EP400: variants seen among roughly 807,000 people sequenced by gnomAD.
EP400 encodes E1A binding protein p400.
In EP400, 105 loss-of-function variants were observed where a neutral mutation model predicts 354.1. That is an observed-to-expected ratio of 0.30 (90% CI 0.25 to 0.35). The LOEUF (loss-of-function observed/expected upper bound fraction) is 0.35, where lower values mean the gene tolerates loss of function less well. EP400 is among the 10% of genes least tolerant of loss of function. EP400 has a pLI of 1.00. For missense variants in EP400, 3,280 were observed against 4,121.0 expected (o/e 0.80, Z 5.59); for synonymous variants, 1,646 against 1,716.9 (o/e 0.96, Z 1.02).
chr12:131,995,816 C>T (rs1158076262), intron 12 of EP400, among the ~76,000 whole-genome samples: 30 of 149,332 alleles, frequency 2.0e-4, no homozygotes, highest in African/African-American at 7.4e-4. Flanking sequence ...ACGAATCCCA[C>T]CGCAGCTTGA....
At chr12:132,023,305 T>C (rs1228099843) in intron 23 of EP400, among the ~76,000 whole-genome samples, 1 of 135,780 alleles carries the variant, frequency 7.4e-6, no homozygotes, top group Non-Finnish European at 1.6e-5. Flanking sequence ...GCTAATTTTT[T>C]TTTTTTTTTT....
In EP400 at chr12:132,029,496, G is replaced by A; in HGVS notation, c.5382-205G>A. 1 of 604,794 alleles carries A rather than the reference G, an allele frequency of 1.7e-6. No homozygotes were observed. The highest frequency in any genetic ancestry group is 2.9e-6 in the Non-Finnish European group (1 of 341,736). 37.5% of individuals were successfully genotyped at this position (604,794 alleles called of 1,614,324 possible). A position where few individuals can be genotyped will look rare whatever the true frequency, so the allele number is the denominator to read the frequency against. ...ACTGTCTGAATTAGTCCCCGAGGTGGTGGTTATTGGCCAGGACTGGTTAGG... is the reference window on the plus strand; with the variant it reads ...ACTGTCTGAATTAGTCCCCGAGGTGATGGTTATTGGCCAGGACTGGTTAGG... On this transcript the variant is annotated intron_variant, in intron 27 of 52. Transcript: ENST00000389561. The surrounding 1 kb of genome is among the most constrained non-coding windows in gnomAD (Gnocchi z 4.7).
chr12:131,967,519 C>G (rs1191978294), intron 2 of EP400, among the ~76,000 whole-genome samples: 2 of 151,652 alleles, frequency 1.3e-5, no homozygotes, highest in Admixed American at 6.6e-5. Context: ...GAAACCCCAT[C>G]TCTACTTAAA....
intron 2 of EP400, among the ~76,000 whole-genome samples, chr12:131,978,400 C>T (rs903088445): frequency 2.0e-5 from 3 of 152,182 alleles, no homozygotes; most frequent in African/African-American, 4.8e-5. Context: ...CACCTCCTCC[C>T]CTCTGCTTTG....
intron 2 of EP400, among the ~76,000 whole-genome samples, chr12:131,969,465 C>T (rs562864848): frequency 6.6e-6 from 1 of 152,154 alleles, no homozygotes; most frequent in South Asian, 2.1e-4. Context: ...GCCCAGCCCC[C>T]CTCCTGGTGG....
chr12:132,027,313 C>T lies in EP400; in HGVS notation c.5015-124C>T, dbSNP rs147398836. 3.3e-4 allele frequency: 304 copies of T among 908,554 alleles called. 1 individual carries two copies. The African/African-American group carries it at 4.3e-3, about 13-fold the overall frequency. 56.3% of individuals were successfully genotyped at this position (908,554 alleles called of 1,614,324 possible). ...GGAGGATGAGGACTTGGGGACATGC[C>T]GTTGCAGAATGACTTTCTGTGGAGT... On this transcript the variant is annotated intron_variant, in intron 25 of 52. Coordinates refer to ENST00000389561, the MANE Select transcript of EP400 (RefSeq NM_015409.5). The surrounding 1 kb of genome is among the most constrained non-coding windows in gnomAD (Gnocchi z 4.9).
At position 131,998,906 on chromosome 12, in the gene EP400, T is replaced by A. The variant is rs35342546; in HGVS notation, c.2827+3950T>A. 8.4e-3 allele frequency among the ~76,000 whole-genome samples: 899 copies of A among 107,640 alleles called. 13 individuals carry two copies. The highest frequency in any genetic ancestry group is 0.013 in the East Asian group (39 of 2,994). The allele number at this position is 107,640 out of a possible 152,430, so 70.6% of individuals were successfully genotyped here. On this transcript the variant is annotated intron_variant, in intron 12 of 52. Transcript: ENST00000389561. ...TTTGTATACAGTCTTGTATACAAAGTCTTTGTATACAGTCTTGTATACAAA... is the reference window on the plus strand; with the variant it reads ...TTTGTATACAGTCTTGTATACAAAGACTTTGTATACAGTCTTGTATACAAA...
chr12:132,045,182 C>G (rs923343442), intron 37 of EP400, 137 bp from the exon 38 acceptor site: 1 of 1,180,336 alleles, frequency 8.5e-7, no homozygotes, highest in Non-Finnish European at 1.1e-6. Flanking sequence ...GAAAGCAGGT[C>G]TGTCTTTGGC....
At chr12:132,076,275 G>T in intron 51 of EP400, 13 of 569,508 alleles carry the variant, frequency 2.3e-5, no homozygotes, top group Middle Eastern at 2.7e-4. Flanking sequence ...TGAAATATGA[G>T]ACCAAAAATA....
Position 131,982,386 on chromosome 12 carries a change from A to T in EP400, c.1837A>T (p.Ile613Phe). Residue 613 changes from isoleucine to phenylalanine, a missense_variant, in exon 5 of 53, where the codon ATC becomes TTC. Ile to Phe is a conservative substitution (Grantham distance 21, BLOSUM62 0). Around this residue, in one of 20 missense-constraint regions of EP400, gnomAD observed 800 missense variants for 840.0 expected, o/e 0.95. Coordinates refer to ENST00000389561, the MANE Select transcript of EP400 (RefSeq NM_015409.5). Reference sequence around the variant, plus strand: ...TGCACCGCCCAGCAGCCAACTCCCCATCCCTCCCTCGCAGCCTGCACAGCT... The same window carrying T: ...TGCACCGCCCAGCAGCCAACTCCCCTTCCCTCCCTCGCAGCCTGCACAGCT... The part of the protein sequence containing the change: ...IPAPPSSQLP[I>F]PPSQPAQLAL... 6.2e-7 allele frequency: 1 copy of T among 1,613,974 alleles called. No individual in the cohort carries two copies. The highest frequency in any genetic ancestry group is 1.3e-5 in the African/African-American group (1 of 74,976).
intron 3 of EP400, 85 bp from the exon 4 acceptor site, chr12:131,981,404 A>T: frequency 9.1e-7 from 1 of 1,104,360 alleles, no homozygotes. Context: ...CTTTTCCAAG[A>T]TGATAAAAAC....
intron 2 of EP400, among the ~76,000 whole-genome samples, chr12:131,965,626 C>G (rs1370301189): frequency 6.6e-6 from 1 of 152,070 alleles, no homozygotes; most frequent in Non-Finnish European, 1.5e-5. Flanking sequence ...AAAATGTTCC[C>G]TCATCAACCC....
intron 39 of EP400, among the ~76,000 whole-genome samples, chr12:132,049,174 A>T (rs1298640744): frequency 1.3e-5 from 2 of 152,252 alleles, no homozygotes; most frequent in Non-Finnish European, 2.9e-5. Context: ...CCAGCAAGCC[A>T]TGCGGGGCGG....
At position 132,020,045 on chromosome 12, in the gene EP400, C is replaced by G. The variant is rs754495241; in HGVS notation, c.4278-4C>G. 1 of 1,530,006 alleles carries G rather than the reference C, an allele frequency of 6.5e-7. No individual in the cohort carries two copies. The highest frequency in any genetic ancestry group is 1.2e-5 in the South Asian group (1 of 80,338). 94.8% of individuals were successfully genotyped at this position (1,530,006 alleles called of 1,614,324 possible). ...TCTTCTTGCCTGGACCAATGGGCAT[C>G]TAGGTTGTTTCAGCCTGTGCAGTAT... is the stretch of plus-strand genomic sequence containing the variant. On this transcript the variant is annotated splice_region_variant and splice_polypyrimidine_tract_variant and intron_variant, in intron 21 of 52. Transcript: ENST00000389561.
Position 132,028,103 on chromosome 12 carries a change from C to G in EP400, c.5196C>G (p.Gly1732=). The G allele has an allele frequency of 6.2e-7, 1 of 1,614,216 alleles. No homozygotes were observed. The highest frequency in any genetic ancestry group is 8.5e-7 in the Non-Finnish European group (1 of 1,180,040). The change falls in exon 27 of 53, where the codon GGC becomes GGG. Residue 1732 remains glycine, a synonymous_variant. Coordinates refer to ENST00000389561, the MANE Select transcript of EP400 (RefSeq NM_015409.5). ...GCTGTTCTCAAGCTCCAGTCTATGGCAGAGACTTGCTAAGGATTTGTGCCC... is the reference window on the plus strand; with the variant it reads ...GCTGTTCTCAAGCTCCAGTCTATGGGAGAGACTTGCTAAGGATTTGTGCCC... ...ERRCSQAPVY[G]RDLLRICALP...
chr12:132,076,342 G>C (rs1372373969), intron 51 of EP400, 174 bp from the exon 52 acceptor site: 1 of 715,976 alleles, frequency 1.4e-6, no homozygotes, highest in Non-Finnish European at 2.5e-6. Flanking sequence ...TCACCATGCA[G>C]TGGAACGACT....
intron 2 of EP400, among the ~76,000 whole-genome samples, chr12:131,968,242 A>G (rs544413408): frequency 8.9e-4 from 136 of 152,242 alleles, no homozygotes; most frequent in African/African-American, 3.0e-3. Context: ...TTTTAGATCT[A>G]TGATTTATTT....
At chr12:132,047,579 G>A (rs1270891648) in intron 39 of EP400, among the ~76,000 whole-genome samples, 2 of 152,172 alleles carry the variant, frequency 1.3e-5, no homozygotes, top group African/African-American at 4.8e-5. Flanking sequence ...AATAGGGTGT[G>A]GGTCACAGAG....
At chr12:131,962,013 G>A (rs964283413) in intron 2 of EP400, 59 bp downstream of exon 2, 59 of 1,512,250 alleles carry the variant, frequency 3.9e-5, no homozygotes, top group Admixed American at 1.1e-4. Context: ...GAGTCTATGC[G>A]ACAATGAATT....
Sources: allele counts gnomAD v4.1 joint callset (sites outside exome capture counted in the v4.1 genomes callset), GRCh38; gene constraint gnomAD v4.1.1; regional missense constraint gnomAD v4.1.1; non-coding constraint Gnocchi (gnomAD v3.1); transcripts MANE v1.5; gene names NCBI Gene and HGNC (gene_info 2026-07-23, HGNC 2026-07-21).